The following TFR2 variants were observed in gnomAD, a reference collection of about 807,000 sequenced individuals.
The protein encoded by TFR2 is transferrin receptor 2.
Under a neutral mutation model 91.9 loss-of-function variants are expected in TFR2, and 64 were observed. The ratio of observed to expected loss-of-function variants is 0.70; its 90% CI spans 0.57 to 0.86. TFR2 has a LOEUF of 0.86. Ranked by LOEUF, TFR2 falls within the 40% of genes least tolerant of loss-of-function variation. The pLI, the probability that TFR2 is intolerant of heterozygous loss-of-function variation, is 0.00. For missense variants in TFR2, 950 were observed against 1,080.5 expected (o/e 0.88, Z 1.69); for synonymous variants, 454 against 459.6 (o/e 0.99, Z 0.15).
At chr7:100,622,304 C>G (rs1269816052) in intron 17 of TFR2, among the ~76,000 whole-genome samples, 1 of 152,186 alleles carries the variant, frequency 6.6e-6, no homozygotes, top group East Asian at 1.9e-4. Context: ...TCTCCCCACC[C>G]AGTGACCCAC....
At chr7:100,623,078 T>G (rs575679491) in intron 17 of TFR2, among the ~76,000 whole-genome samples, 11 of 150,822 alleles carry the variant, frequency 7.3e-5, no homozygotes, top group African/African-American at 2.4e-4. Context: ...ATCAAGACCA[T>G]CCTGGCCAAC....
Position 100,629,329 on chromosome 7 carries a change from T to C in TFR2, c.1314A>G (p.Pro438=). 1 of 1,614,102 alleles carries C rather than the reference T, an allele frequency of 6.2e-7. No homozygotes were observed. Among genetic ancestry groups the C allele is most frequent in the Non-Finnish European group, 8.5e-7 (1 of 1,179,946 alleles). Residue 438 remains proline, a synonymous_variant, in exon 10 of 18, where the codon CCA becomes CCG. Coordinates refer to ENST00000223051, the MANE Select transcript of TFR2 (RefSeq NM_003227.4). Reference sequence around the variant, plus strand: ...TCCCCACAGCGGATTTAGCTGCTCCTGGGCCCCATGCATCCCTCTGGGCCC... The same window carrying C: ...TCCCCACAGCGGATTTAGCTGCTCCCGGGCCCCATGCATCCCTCTGGGCCC... The part of the protein sequence containing the change: ...VIGAQRDAWG[P]GAAKSAVGTA...
chr7:100,633,638 G>A (rs973909108), intron 3 of TFR2, 82 bp from the exon 4 acceptor site: 56 of 1,508,656 alleles, frequency 3.7e-5, no homozygotes, highest in Non-Finnish European at 4.7e-5. Context: ...ACGTGGGGTC[G>A]CCAGGGGCAG....
intron 17 of TFR2, among the ~76,000 whole-genome samples, chr7:100,625,755 C>T (rs760366033): frequency 2.6e-5 from 4 of 152,076 alleles, no homozygotes; most frequent in Non-Finnish European, 5.9e-5. Flanking sequence ...CGTCATGGCA[C>T]GTGCCTGTAC....
rs397890558 is a variant in TFR2 at position 100,633,698 on chromosome 7, CTTTTTTTTTTTTT to C, written c.474-155_474-143del. ...AGGAAAAGAGCGCTCCCCGCGGACG[CTTTTTTTTTTTTT>C]TTTTTTTTTTTTTTTGAGACGGAGT... On this transcript the variant is annotated intron_variant, in intron 3 of 17. Coordinates refer to ENST00000223051, the MANE Select transcript of TFR2 (RefSeq NM_003227.4). The C allele has an allele frequency of 2.3e-4, 49 of 215,924 alleles. 1 individual carries two copies. Among genetic ancestry groups the C allele is most frequent in the African/African-American group, 3.2e-4 (3 of 9,428 alleles). The allele number at this position is 215,924 out of a possible 1,614,324, so 13.4% of individuals were successfully genotyped here.
intron 16 of TFR2, 27 bp from the exon 17 acceptor site, chr7:100,626,930 C>A: frequency 6.5e-7 from 1 of 1,530,902 alleles, no homozygotes. Flanking sequence ...CGGGCTGGGG[C>A]TGGCGGCAGG....
rs1176821835 is a variant in TFR2 at position 100,631,001 on chromosome 7, G to GCC, written c.1156_1157dup (p.Ser387AlafsTer14). The GCC allele has an allele frequency of 1.3e-6, 2 of 1,559,254 alleles. No individual in the cohort carries two copies. Among genetic ancestry groups the GCC allele is most frequent in the Non-Finnish European group, 1.7e-6 (2 of 1,156,018 alleles). ...GCCCGGGGCCCAGGTGATAAGGGGA[G>GCC]CCTAGGAGGCTCCCCTGCCATTCTT... On this transcript the variant is annotated frameshift_variant, in exon 9 of 18. Coordinates refer to ENST00000223051, the MANE Select transcript of TFR2 (RefSeq NM_003227.4). LOFTEE classifies it high-confidence loss of function.
rs892716361 is a variant in TFR2 at position 100,639,593 on chromosome 7, C to T, written c.473+1093G>A. Among the ~76,000 whole-genome samples, 15 of 142,370 alleles carry T rather than the reference C, an allele frequency of 1.1e-4. No individual in the cohort carries two copies. The East Asian group carries it at 2.8e-3, about 27-fold the overall frequency. 93.4% of individuals were successfully genotyped at this position (142,370 alleles called of 152,430 possible). On this transcript the variant is annotated intron_variant, in intron 3 of 17. Coordinates refer to ENST00000223051, the MANE Select transcript of TFR2 (RefSeq NM_003227.4). ...CAATGAGAAATGAAAAAAAAAAAAA[C>T]GTAGAAGGTATAAGCATTGGAAAAG...
At chr7:100,623,887 CAAA>C (rs36052130) in intron 17 of TFR2, among the ~76,000 whole-genome samples, 115 of 96,448 alleles carry the variant, frequency 1.2e-3, no homozygotes, top group African/African-American at 2.7e-3. Context: ...CCTTCTCTAC[CAAA>C]AAAAAAAAAA....
chr7:100,626,731 C>G (rs779155087), intron 17 of TFR2, 32 bp downstream of exon 17: 213 of 1,448,196 alleles, frequency 1.5e-4, no homozygotes, highest in Non-Finnish European at 1.9e-4. Context: ...GGGCGGGACA[C>G]TGGGGGCGGG....
At position 100,626,838 on chromosome 7, in the gene TFR2, CT is replaced by C; in HGVS notation, c.2060del (p.Lys687SerfsTer16). The C allele has an allele frequency of 6.5e-7, 1 of 1,549,630 alleles. No homozygotes were observed. ...ARGDYIRAAE[K>X]LRQEIYSSEE... Reference sequence around the variant, plus strand: ...CCGAGCTGTAGATCTCCTGCCGCAGCTTTTCCGCCGCCCGGATGTAGTCCCC... The same window carrying C: ...CCGAGCTGTAGATCTCCTGCCGCAGCTTTCCGCCGCCCGGATGTAGTCCCC... On this transcript the variant is annotated frameshift_variant, in exon 17 of 18. Coordinates refer to ENST00000223051, the MANE Select transcript of TFR2 (RefSeq NM_003227.4). LOFTEE classifies it high-confidence loss of function.
Position 100,631,928 on chromosome 7 carries a change from T to C in TFR2, c.984A>G (p.Gly328=), listed in dbSNP as rs372774524. 5 of 1,613,962 alleles carry C rather than the reference T, an allele frequency of 3.1e-6. No homozygotes were observed. The highest frequency in any genetic ancestry group is 4.2e-6 in the Non-Finnish European group (5 of 1,179,954). Residue 328 remains glycine (G), a synonymous_variant, in exon 8 of 18, where the codon GGA becomes GGG. Coordinates refer to ENST00000223051, the MANE Select transcript of TFR2 (RefSeq NM_003227.4). ...AVYGHVHLGT[G]DPYTPGFPSF... ...AAGGGAAGCCAGGTGTGTAGGGGTC[T>C]CCAGTTCCCAGGTGCACCTGCAGGG...
Position 100,627,949 on chromosome 7 carries a change from G to C in TFR2, c.1563C>G (p.Thr521=). ...VLGDDKFHAK[T]SPLLTSLIES... is the part of the protein sequence containing the mutation. ...CAATGAGACTTGTCAGAAGGGGGCT[G>C]GTCTTGGCATGAAACTTGTCATCCC... Residue 521 remains threonine (T), a synonymous_variant, in exon 13 of 18, where the codon ACC becomes ACG. Transcript: ENST00000223051. 6.2e-7 allele frequency: 1 copy of C among 1,614,046 alleles called. No homozygotes were observed. Among genetic ancestry groups the C allele is most frequent in the Non-Finnish European group, 8.5e-7 (1 of 1,179,948 alleles).
chr7:100,632,809 G>C (rs1218761503), intron 6 of TFR2, 192 bp downstream of exon 6: 6 of 733,926 alleles, frequency 8.2e-6, no homozygotes, highest in Non-Finnish European at 1.3e-5. Flanking sequence ...GGCCTCAAGC[G>C]ATCCTCCTGT....
chr7:100,626,788 C>T lies in TFR2; in HGVS notation c.2111G>A (p.Arg704His), dbSNP rs1562837528. Residue 704 changes from arginine to histidine, a missense_variant, in exon 17 of 18, where the codon CGC becomes CAC. Coordinates refer to ENST00000223051, the MANE Select transcript of TFR2 (RefSeq NM_003227.4). ...CCGCATTATGCGCACGTTGTACATG[C>T]GTGTCAGTCGCTCGTCTCTCTCCTC... ...SSEERDERLTRMYNVRIMRVE... is the reference protein window; with the variant it reads ...SSEERDERLTHMYNVRIMRVE... 9.0e-6 allele frequency: 14 copies of T among 1,547,676 alleles called. No individual in the cohort carries two copies. The highest frequency in any genetic ancestry group is 1.2e-5 in the Non-Finnish European group (14 of 1,146,890).
intron 9 of TFR2, among the ~76,000 whole-genome samples, chr7:100,629,912 A>AT (rs1347242899): frequency 2.0e-5 from 3 of 151,872 alleles, no homozygotes; most frequent in Non-Finnish European, 4.4e-5. Context: ...TGCCCAGCTA[A>AT]TTTTTTTGTA....
At chr7:100,624,184 C>T (rs1487630805) in intron 17 of TFR2, among the ~76,000 whole-genome samples, 2 of 152,122 alleles carry the variant, frequency 1.3e-5, no homozygotes, top group African/African-American at 4.8e-5. Context: ...TCCTGGTGTT[C>T]GAGGCTCCCC....
Position 100,624,005 on chromosome 7 carries a change from G to A in TFR2, c.2136+2758C>T, listed in dbSNP as rs144831880. Among the ~76,000 whole-genome samples, 803 of 151,868 alleles carry A rather than the reference G, an allele frequency of 5.3e-3. 8 individuals are homozygous for A. Among genetic ancestry groups the A allele is most frequent in the African/African-American group, 0.018 (728 of 41,388 alleles). ...CGACAGGCAGAGGTTACAGTGAGCC[G>A]GGATCGCGCCACTGCACTCCAGTCT... is the stretch of plus-strand genomic sequence containing the variant. On this transcript the variant is annotated intron_variant, in intron 17 of 17. Transcript: ENST00000223051.
In TFR2 at chr7:100,626,887, A is replaced by G; in HGVS notation, c.2012T>C (p.Leu671Pro). The change falls in exon 17 of 18, where the codon CTG becomes CCG. Residue 671 changes from leucine (L) to proline (P), a missense_variant. Transcript: ENST00000223051. The part of the protein sequence containing the change: ...SGDLKARGLT[L>P]QWVYSARGDY... ...CCCCCGCGCCGAGTACACCCACTGC[A>G]GGGTCAGCCCGCGGGCCTGGGGTGG... 2 of 1,542,822 alleles carry G rather than the reference A, an allele frequency of 1.3e-6. No homozygotes were observed. The highest frequency in any genetic ancestry group is 1.7e-6 in the Non-Finnish European group (2 of 1,146,636).
Sources: gnomAD v4.1 joint callset for allele counts (sites outside exome capture counted in the v4.1 genomes callset) on GRCh38, gnomAD v4.1.1 for gene constraint, MANE v1.5 for transcripts, NCBI Gene and HGNC (gene_info 2026-07-23, HGNC 2026-07-21) for gene names.